XIRP2: variants seen among roughly 807,000 people sequenced by gnomAD.
XIRP2 encodes the protein xin actin binding repeat containing 2, also known as xin actin-binding repeat-containing protein 2.
XIRP2 carries 236 observed loss-of-function variants against 277.0 expected under a neutral mutation model. That is an observed-to-expected ratio of 0.85 (90% CI 0.77 to 0.95). The LOEUF (loss-of-function observed/expected upper bound fraction) is 0.95. XIRP2 is among the 40% of genes least tolerant of loss of function. The pLI is 0.00. For missense variants in XIRP2, 4,640 were observed against 4,157.5 expected, an observed-to-expected ratio of 1.12 and a Z score of -3.19; for synonymous variants, 1,490 against 1,416.5, an observed-to-expected ratio of 1.05 and a Z score of -1.17.
At chr2:166,951,521 A>G (rs1311426948) in intron 2 of XIRP2, among the ~76,000 whole-genome samples, 1 of 151,984 alleles carries the variant, frequency 6.6e-6, no homozygotes, top group African/African-American at 2.4e-5. Flanking sequence ...TGGGCAACAG[A>G]GTGGAAAAAA....
At chr2:167,128,776 TTTA>T (rs766839592) in intron 2 of XIRP2, among the ~76,000 whole-genome samples, 7 of 152,180 alleles carry the variant, frequency 4.6e-5, no homozygotes, top group Admixed American at 2.6e-4. Flanking sequence ...CCTACATTTC[TTTA>T]TTATCACACT....
intron 3 of XIRP2, among the ~76,000 whole-genome samples, chr2:167,147,487 G>A (rs552634247): frequency 4.0e-4 from 61 of 152,280 alleles, no homozygotes; most frequent in African/African-American, 1.3e-3. Context: ...GTCTCTGGGA[G>A]AGCAAATGGA....
chr2:167,153,392 A>C (rs1692078093), intron 3 of XIRP2, among the ~76,000 whole-genome samples: 1 of 149,196 alleles, frequency 6.7e-6, no homozygotes, highest in African/African-American at 2.5e-5. Context: ...CTGAACTCAA[A>C]ATTTTTTTTA....
intron 3 of XIRP2, among the ~76,000 whole-genome samples, chr2:167,141,549 T>G (rs1691718449): frequency 6.6e-6 from 1 of 152,120 alleles, no homozygotes; most frequent in Non-Finnish European, 1.5e-5. Context: ...TTAATTAGGA[T>G]GATGAGAATC....
chr2:166,995,031 A>C (rs1288622070), intron 2 of XIRP2, among the ~76,000 whole-genome samples: 1 of 151,702 alleles, frequency 6.6e-6, no homozygotes. Flanking sequence ...ACAGGTGCGC[A>C]CCACCTCGCC....
chr2:167,025,773 G>C (rs1008079843), intron 2 of XIRP2, among the ~76,000 whole-genome samples: 12 of 152,236 alleles, frequency 7.9e-5, no homozygotes, highest in Admixed American at 2.6e-4. Flanking sequence ...TTTTGAGTGA[G>C]TTTCTTAATC....
intron 2 of XIRP2, among the ~76,000 whole-genome samples, chr2:166,908,952 C>T (rs1684618357): frequency 6.6e-6 from 1 of 152,064 alleles, no homozygotes; most frequent in Admixed American, 6.5e-5. Flanking sequence ...TTTCTGAGGG[C>T]TCTGTTCTGT....
chr2:167,149,974 G>C (rs1347433068), intron 3 of XIRP2, among the ~76,000 whole-genome samples: 1 of 151,958 alleles, frequency 6.6e-6, no homozygotes, highest in African/African-American at 2.4e-5. Flanking sequence ...AACTAGAAAT[G>C]GATAATAATT....
At chr2:166,964,988 G>T (rs1686392182) in intron 2 of XIRP2, among the ~76,000 whole-genome samples, 1 of 151,756 alleles carries the variant, frequency 6.6e-6, no homozygotes, top group Non-Finnish European at 1.5e-5. Flanking sequence ...TAAGAGACAT[G>T]GTATGTCAGA....
At chr2:167,215,165 G>A (rs1694205800) in intron 4 of XIRP2, among the ~76,000 whole-genome samples, 1 of 152,034 alleles carries the variant, frequency 6.6e-6, no homozygotes, top group South Asian at 2.1e-4. Context: ...TAAATATTGT[G>A]GCCTTAATTC....
At chr2:166,947,111 A>G (rs970850414) in intron 2 of XIRP2, among the ~76,000 whole-genome samples, 1 of 152,216 alleles carries the variant, frequency 6.6e-6, no homozygotes, top group African/African-American at 2.4e-5. Context: ...GATATAAATA[A>G]AAGTTTGAAA....
chr2:167,042,852 G>A (rs979676607), intron 2 of XIRP2, among the ~76,000 whole-genome samples: 9 of 151,992 alleles, frequency 5.9e-5, no homozygotes, highest in African/African-American at 1.9e-4. Flanking sequence ...ACACTTGACC[G>A]AACAGACCTA....
chr2:167,134,853 G>A (rs181195049), intron 2 of XIRP2, among the ~76,000 whole-genome samples: 1 of 152,120 alleles, frequency 6.6e-6, no homozygotes, highest in African/African-American at 2.4e-5. Context: ...AACCAAGACA[G>A]CTTCTAAGTG....
At chr2:167,044,547 C>T (rs1244341919) in intron 2 of XIRP2, among the ~76,000 whole-genome samples, 1 of 152,082 alleles carries the variant, frequency 6.6e-6, no homozygotes, top group Non-Finnish European at 1.5e-5. Context: ...CCCAAAGGCT[C>T]TTAGAACTGA....
intron 3 of XIRP2, among the ~76,000 whole-genome samples, chr2:167,151,100 T>C (rs1204728553): frequency 3.3e-5 from 5 of 152,104 alleles, no homozygotes; most frequent in African/African-American, 1.2e-4. Flanking sequence ...AAAGTCTAGA[T>C]TCTTCTACAG....
intron 2 of XIRP2, among the ~76,000 whole-genome samples, chr2:167,001,274 A>G (rs946531646): frequency 2.0e-5 from 3 of 151,770 alleles, no homozygotes; most frequent in Non-Finnish European, 2.9e-5. Context: ...GTAATAGCCT[A>G]CCTCCCCCAA....
intron 2 of XIRP2, among the ~76,000 whole-genome samples, chr2:167,088,586 C>T (rs1690038235): frequency 6.6e-6 from 1 of 152,078 alleles, no homozygotes; most frequent in Non-Finnish European, 1.5e-5. Flanking sequence ...GGATAAAGTT[C>T]AAAAATCTTA....
intron 2 of XIRP2, among the ~76,000 whole-genome samples, chr2:167,070,916 C>T (rs1042321476): frequency 7.2e-5 from 11 of 152,150 alleles, no homozygotes; most frequent in African/African-American, 2.7e-4. Context: ...TATCTGTTGA[C>T]ATCTTTATAC....
chr2:167,010,076 C>T (rs940339470), intron 2 of XIRP2, among the ~76,000 whole-genome samples: 16 of 151,894 alleles, frequency 1.1e-4, no homozygotes, highest in Admixed American at 5.3e-4. Context: ...TTAATTAGAT[C>T]CCATTTGTCA....
Sources: allele counts gnomAD v4.1 joint callset (sites outside exome capture counted in the v4.1 genomes callset), GRCh38; gene constraint gnomAD v4.1.1; transcripts MANE v1.5; gene names NCBI Gene and HGNC (gene_info 2026-07-23, HGNC 2026-07-21).